Variants in MDGA1 observed in about 807,000 individuals in gnomAD.
MDGA1 encodes MAM domain-containing glycosylphosphatidylinositol anchor protein 1.
A neutral mutation model predicts 101.5 loss-of-function variants in MDGA1; 54 were observed. That is an observed-to-expected ratio of 0.53 (90% CI 0.43 to 0.67). The LOEUF is 0.67. MDGA1 is among the 30% of genes least tolerant of loss of function. The pLI, the probability that MDGA1 is intolerant of heterozygous loss-of-function variation, is 0.00. For synonymous variants in MDGA1, 533 were observed against 558.3 expected, an observed-to-expected ratio of 0.95 and a Z score of 0.64; for missense variants, 1,083 against 1,323.8, an observed-to-expected ratio of 0.82 and a Z score of 2.82.
chr6:37,658,903 G>A (rs1055129528), intron 2 of MDGA1, among the ~76,000 whole-genome samples: 4 of 151,294 alleles, frequency 2.6e-5, no homozygotes, highest in East Asian at 1.9e-4. Context: ...CCCGGGAGGC[G>A]GGGGTTGCAG....
Position 37,637,047 on chromosome 6 carries a change from G to A in MDGA1, c.*321C>T, listed in dbSNP as rs1182694114. On this transcript the variant is annotated 3_prime_UTR_variant, in exon 17 of 17. Transcript: ENST00000434837. ...TATGTTGCGCCGAGGTCCCTGGGTT[G>A]GCGGATGCCATTCAGGCAAGTCCCC... is the stretch of plus-strand genomic sequence containing the variant. 2 of 245,498 alleles carry A rather than the reference G, an allele frequency of 8.1e-6. No homozygotes were observed. Among genetic ancestry groups the A allele is most frequent in the Non-Finnish European group, 1.6e-5 (2 of 126,990 alleles). The allele number at this position is 245,498 out of a possible 1,614,324, so 15.2% of individuals were successfully genotyped here. A position where few individuals can be genotyped will look rare whatever the true frequency, so the allele number is the denominator to read the frequency against.
Position 37,650,340 on chromosome 6 carries a change from CG to C in MDGA1, c.1377del (p.Glu460SerfsTer45). On this transcript the variant is annotated frameshift_variant, in exon 8 of 17. Transcript: ENST00000434837. LOFTEE classifies it high-confidence loss of function. ...AVVTVREGSP[A>X]ELQCEVRGKP... is the part of the protein sequence containing the mutation. ...TTGCCCCGCACCTCGCATTGCAGCT[CG>C]GCAGGCGATCCCTCGCGCACGGTCA... 1 of 1,581,376 alleles carries C rather than the reference CG, an allele frequency of 6.3e-7. No homozygotes were observed. The highest frequency in any genetic ancestry group is 8.6e-7 in the Non-Finnish European group (1 of 1,165,912).
intron 1 of MDGA1, among the ~76,000 whole-genome samples, chr6:37,695,663 C>G (rs1762401327): frequency 6.6e-6 from 1 of 152,152 alleles, no homozygotes; most frequent in Non-Finnish European, 1.5e-5. Context: ...CTATACTACC[C>G]CACAAAGAAC....
At chr6:37,690,516 C>T (rs938381338) in intron 1 of MDGA1, among the ~76,000 whole-genome samples, 8 of 152,174 alleles carry the variant, frequency 5.3e-5, no homozygotes, top group African/African-American at 9.7e-5. Context: ...CAGTGGCTCA[C>T]GCCTGTAATC....
chr6:37,672,695 G>T (rs1761896969), intron 1 of MDGA1, among the ~76,000 whole-genome samples: 3 of 152,158 alleles, frequency 2.0e-5, no homozygotes. Context: ...GGATGGAGTG[G>T]TACAGAATTG....
chr6:37,637,585 G>A, intron 16 of MDGA1, 126 bp from the exon 17 acceptor site: 2 of 739,338 alleles, frequency 2.7e-6, no homozygotes, highest in South Asian at 1.8e-5. Context: ...GTGGGCACTG[G>A]CCTCAGTGCA....
In MDGA1 at chr6:37,647,170, C is replaced by T. The variant is rs1450669075; in HGVS notation, c.2046+3G>A. On this transcript the variant is annotated splice_donor_region_variant and intron_variant, in intron 10 of 16. Coordinates refer to ENST00000434837, the MANE Select transcript of MDGA1 (RefSeq NM_153487.4). ...CCCAGGCCCCCGCTCCCCCTTGGCC[C>T]ACCTGGCGGATGCTGAGTCTGTAGT... 6.3e-7 allele frequency: 1 copy of T among 1,591,764 alleles called. No individual in the cohort carries two copies.
In MDGA1 at chr6:37,650,287, G is replaced by T; in HGVS notation, c.1431C>A (p.Arg477=). 6.2e-7 allele frequency: 1 copy of T among 1,605,280 alleles called. No individual in the cohort carries two copies. ...GCAGCAGTGCAGCCTCCTTGTCCAC[G>T]CGGGACCAGAGCACTGGCGGCCGCG... ...GKPRPPVLWS[R]VDKEAALLPS... The change falls in exon 8 of 17, where the codon CGC becomes CGA. Residue 477 remains arginine (R), a synonymous_variant. Transcript: ENST00000434837.
rs2114016386 is a variant in MDGA1, at chr6:37,649,031, G to A, written c.1845C>T (p.Cys615=). The change falls in exon 9 of 17, where the codon TGC becomes TGT. Residue 615 remains cysteine, a synonymous_variant. Transcript: ENST00000434837. ...CCGAGCCCACATCGTTGGAGACGCTGCACTCGTAGCTGCCGCTGCTGTCGC... is the reference window on the plus strand; with the variant it reads ...CCGAGCCCACATCGTTGGAGACGCTACACTCGTAGCTGCCGCTGCTGTCGC... The part of the protein sequence containing the change: ...VTRDSSGSYE[C]SVSNDVGSAA... The A allele has an allele frequency of 6.5e-7, 1 of 1,548,496 alleles. No individual in the cohort carries two copies. The highest frequency in any genetic ancestry group is 8.7e-7 in the Non-Finnish European group (1 of 1,147,280).
intron 1 of MDGA1, among the ~76,000 whole-genome samples, chr6:37,683,175 G>A (rs1007490878): frequency 1.3e-5 from 2 of 152,170 alleles, no homozygotes; most frequent in African/African-American, 4.8e-5. Context: ...CCTGTCCTCC[G>A]CAGGTATAAG....
intron 8 of MDGA1, 68 bp downstream of exon 8, chr6:37,650,041 A>AG: frequency 6.3e-7 from 1 of 1,594,678 alleles, no homozygotes; most frequent in Non-Finnish European, 8.5e-7. Flanking sequence ...GAGGATGAAG[A>AG]GGGGACAGGC....
rs764901190 is a variant in MDGA1 at position 37,696,746 on chromosome 6, G to A, written c.66C>T (p.Tyr22=). The change falls in exon 1 of 17, where the codon TAC becomes TAT. Residue 22 remains tyrosine, a splice_region_variant and synonymous_variant. Transcript: ENST00000434837. This position sits in a 1 kb window ranked among gnomAD's most constrained non-coding sequence, Gnocchi z 5.6. ...GTGGAGCGGGACGCGGGCTCTTACC[G>A]TAGACTCCTTGTCCCCGGCAGTGGA... The part of the protein sequence containing the change: ...IPFHCRGQGV[Y]APAQAQIVHA... The A allele has an allele frequency of 1.5e-5, 24 of 1,580,636 alleles. No individual in the cohort carries two copies. In the South Asian group the frequency reaches 1.6e-4, roughly 11 times the overall value.
At position 37,638,408 on chromosome 6, in the gene MDGA1, TG is replaced by T. The variant is rs1763984501; in HGVS notation, c.2668-96del. 5 of 1,519,668 alleles carry T rather than the reference TG, an allele frequency of 3.3e-6. No individual in the cohort carries two copies. The Admixed American group carries it at 5.3e-5, about 16-fold the overall frequency. The allele number at this position is 1,519,668 out of a possible 1,614,324, so 94.1% of individuals were successfully genotyped here. On this transcript the variant is annotated intron_variant, in intron 15 of 16. Transcript: ENST00000434837. The surrounding 1 kb of genome is among the most constrained non-coding windows in gnomAD (Gnocchi z 4.8). ...ACCCCACCTTTCCCCTTAATCTACC[TG>T]GAAGTTCCCCCTAACCTGACTCTTT...
intron 14 of MDGA1, among the ~76,000 whole-genome samples, chr6:37,641,261 A>G (rs564379256): frequency 4.3e-4 from 66 of 152,102 alleles, no homozygotes; most frequent in Non-Finnish European, 8.5e-4. Context: ...ACCTTTGTCT[A>G]TGGGAAGTGC....
intron 2 of MDGA1, among the ~76,000 whole-genome samples, chr6:37,660,020 C>T (rs1207349889): frequency 2.9e-5 from 4 of 139,812 alleles, no homozygotes; most frequent in Non-Finnish European, 6.1e-5. Context: ...ACAAAATTCT[C>T]AGTCTTTATC....
At chr6:37,648,111 G>A (rs1761256490) in intron 9 of MDGA1, 1 of 152,446 alleles carries the variant, frequency 6.6e-6, no homozygotes, top group African/African-American at 2.4e-5. Context: ...ACCCCTTTCT[G>A]ACCCACCCAT....
chr6:37,681,003 C>CG (rs1762084336), intron 1 of MDGA1, among the ~76,000 whole-genome samples: 2 of 152,042 alleles, frequency 1.3e-5, no homozygotes, highest in African/African-American at 4.8e-5. Flanking sequence ...TCAGCCCCCC[C>CG]CCCCCAGGAA....
rs804839 is a variant in MDGA1 at position 37,635,737 on chromosome 6, A to G, written c.*1631T>C. On this transcript the variant is annotated 3_prime_UTR_variant, in exon 17 of 17. Transcript: ENST00000434837. The stretch of plus-strand genomic sequence containing the variant: ...TCCTCACCAAAGGTGCTTGCATTCA[A>G]TAGGGTCATCTGTAAGCTCTCCGTC... 0.33 allele frequency: 129,885 copies of G among 398,546 alleles called. 21,474 individuals carry two copies. Among genetic ancestry groups the G allele is most frequent in the East Asian group, 0.4 (11,336 of 28,066 alleles). The allele number at this position is 398,546 out of a possible 1,614,324, so 24.7% of individuals were successfully genotyped here. A position where few individuals can be genotyped will look rare whatever the true frequency, so the allele number is the denominator to read the frequency against.
intron 1 of MDGA1, among the ~76,000 whole-genome samples, chr6:37,672,264 A>G (rs1761886006): frequency 6.6e-6 from 1 of 151,924 alleles, no homozygotes; most frequent in South Asian, 2.1e-4. Context: ...CAGCCTGGGC[A>G]TCATAGCAAG....
Sources: allele counts gnomAD v4.1 joint callset (sites outside exome capture counted in the v4.1 genomes callset), GRCh38; gene constraint gnomAD v4.1.1; non-coding constraint Gnocchi (gnomAD v3.1); transcripts MANE v1.5; gene names NCBI Gene and HGNC (gene_info 2026-07-23, HGNC 2026-07-21).